The following TUT4 variants were observed in gnomAD, a reference collection of about 807,000 sequenced individuals.
The protein encoded by TUT4 is terminal uridylyltransferase 4.
TUT4 carries 36 observed loss-of-function variants against 192.2 expected under a neutral mutation model. That is an observed-to-expected ratio of 0.19 (90% CI 0.14 to 0.25). TUT4 has a LOEUF of 0.25. TUT4 is among the 10% of genes least tolerant of loss of function. TUT4 has a pLI of 1.00. For synonymous variants in TUT4, 618 were observed against 666.0 expected (o/e 0.93, Z 1.11); for missense variants, 1,493 against 1,957.2 (o/e 0.76, Z 4.47).
chr1:52,520,077 G>A (rs1679835772), intron 2 of TUT4, among the ~76,000 whole-genome samples: 1 of 152,192 alleles, frequency 6.6e-6, no homozygotes, highest in African/African-American at 2.4e-5. Flanking sequence ...TGGGGAATGA[G>A]TGTTTGACGC....
At chr1:52,431,528 A>C in intron 27 of TUT4, 68 bp from the exon 28 acceptor site, 3 of 1,206,492 alleles carry the variant, frequency 2.5e-6, no homozygotes, top group Non-Finnish European at 3.3e-6. Context: ...AGTAGAGATA[A>C]AATACAAAAT....
intron 14 of TUT4, among the ~76,000 whole-genome samples, chr1:52,469,732 T>C (rs1435285215): frequency 1.3e-5 from 2 of 151,486 alleles, no homozygotes; most frequent in African/African-American, 4.9e-5. Flanking sequence ...CTACTAAAAA[T>C]ACAAAAAATT....
chr1:52,504,534 G>C (rs1326119210), intron 4 of TUT4, among the ~76,000 whole-genome samples: 1 of 152,138 alleles, frequency 6.6e-6, no homozygotes, highest in Non-Finnish European at 1.5e-5. Flanking sequence ...GGAGGCTGAA[G>C]CAGAAGAACT....
intron 9 of TUT4, among the ~76,000 whole-genome samples, chr1:52,487,198 C>A (rs1246190431): frequency 6.6e-6 from 1 of 152,112 alleles, no homozygotes; most frequent in Non-Finnish European, 1.5e-5. Flanking sequence ...GTAATCCCAG[C>A]ACTTTGGGAG....
rs202129609 is a variant in TUT4, at chr1:52,445,844, A to G, written c.3765T>C (p.Phe1255=). The change falls in exon 24 of 30, where the codon TTT becomes TTC. Residue 1255 remains phenylalanine (F), a synonymous_variant. Transcript: ENST00000257177. ...RKMTNFIMKA[F]INGRKLFGTP... is the part of the protein sequence containing the mutation. ...TACCAAAAAGTTTCCTTCCATTGAT[A>G]AATGCTTTCATGATGAAATTGGTCA... 3.1e-6 allele frequency: 5 copies of G among 1,612,896 alleles called. No individual in the cohort carries two copies.
intron 15 of TUT4, among the ~76,000 whole-genome samples, chr1:52,466,682 A>ATATATATATATTTT (rs372853314): frequency 1.6e-5 from 2 of 123,844 alleles, no homozygotes; most frequent in Admixed American, 8.4e-5. Flanking sequence ...ATATATATAT[A>ATATATATATATTTT]TTTTTGAGAC....
intron 28 of TUT4, among the ~76,000 whole-genome samples, chr1:52,428,268 A>C (rs1170977867): frequency 6.6e-6 from 1 of 152,172 alleles, no homozygotes; most frequent in Non-Finnish European, 1.5e-5. Flanking sequence ...CAGGCGGATC[A>C]TGAGGTCAAG....
At chr1:52,544,131 C>A (rs1687445374) in intron 1 of TUT4, among the ~76,000 whole-genome samples, 2 of 151,844 alleles carry the variant, frequency 1.3e-5, no homozygotes, top group South Asian at 4.2e-4. Flanking sequence ...ACTAAAAATA[C>A]AAAAACTTAG....
At chr1:52,483,298 AAG>A (rs1330602744) in intron 9 of TUT4, among the ~76,000 whole-genome samples, 1 of 152,216 alleles carries the variant, frequency 6.6e-6, no homozygotes, top group East Asian at 1.9e-4. Context: ...ATCAATTTAT[AAG>A]AGTTTTAATT....
chr1:52,518,452 T>C (rs1048453889), intron 2 of TUT4, among the ~76,000 whole-genome samples: 4 of 152,216 alleles, frequency 2.6e-5, no homozygotes, highest in Admixed American at 6.5e-5. Flanking sequence ...CCTTTCCTTA[T>C]AGGACAGAGG....
At chr1:52,507,885 A>T (rs1255806058) in intron 4 of TUT4, among the ~76,000 whole-genome samples, 4 of 152,090 alleles carry the variant, frequency 2.6e-5, no homozygotes, top group African/African-American at 9.7e-5. Context: ...ACCTTGGCTC[A>T]CTGCAGCCTC....
chr1:52,509,829 T>C (rs1055285545), intron 3 of TUT4, 117 bp from the exon 4 acceptor site: 4 of 719,824 alleles, frequency 5.6e-6, no homozygotes, highest in Non-Finnish European at 9.9e-6. Flanking sequence ...TGAAGGTTTT[T>C]TCTTTATCCT....
intron 2 of TUT4, among the ~76,000 whole-genome samples, 186 bp downstream of exon 2, chr1:52,525,377 A>G (rs754795524): frequency 8.8e-5 from 13 of 148,554 alleles, no homozygotes; most frequent in Non-Finnish European, 1.9e-4. Context: ...TTTTTTTTTT[A>G]GCTTCACCAA....
chr1:52,458,837 T>C (rs1231218014), intron 19 of TUT4, among the ~76,000 whole-genome samples: 3 of 152,206 alleles, frequency 2.0e-5, no homozygotes, highest in Non-Finnish European at 2.9e-5. Flanking sequence ...AATCCTATTC[T>C]AAGAATGTAC....
intron 6 of TUT4, among the ~76,000 whole-genome samples, chr1:52,494,634 G>A (rs758700950): frequency 2.6e-5 from 4 of 152,172 alleles, no homozygotes; most frequent in Non-Finnish European, 5.9e-5. Context: ...GGAGGGTGCA[G>A]TCAGCCGAGA....
At chr1:52,485,166 AAT>A (rs1174992321) in intron 9 of TUT4, among the ~76,000 whole-genome samples, 1 of 152,174 alleles carries the variant, frequency 6.6e-6, no homozygotes, top group Non-Finnish European at 1.5e-5. Context: ...ATCTTTCAAT[AAT>A]ATAATTTCTT....
chr1:52,480,758 G>C (rs1488537956), intron 11 of TUT4, among the ~76,000 whole-genome samples: 5 of 152,336 alleles, frequency 3.3e-5, no homozygotes, highest in African/African-American at 1.2e-4. Flanking sequence ...AGTTCCCAGT[G>C]AAGTAATAAG....
chr1:52,455,929 T>C (rs1006118433), intron 20 of TUT4, among the ~76,000 whole-genome samples: 1 of 152,204 alleles, frequency 6.6e-6, no homozygotes, highest in Non-Finnish European at 1.5e-5. Context: ...GATTCAGCAA[T>C]GTGACTCCTT....
At chr1:52,444,518 G>A (rs967159438) in intron 24 of TUT4, among the ~76,000 whole-genome samples, 1 of 151,862 alleles carries the variant, frequency 6.6e-6, no homozygotes, top group African/African-American at 2.4e-5. Flanking sequence ...TGTTGTGATG[G>A]TTAATACTGA....
Sources: gnomAD v4.1 joint callset for allele counts (sites outside exome capture counted in the v4.1 genomes callset) on GRCh38, gnomAD v4.1.1 for gene constraint, MANE v1.5 for transcripts, NCBI Gene and HGNC (gene_info 2026-07-23, HGNC 2026-07-21) for gene names.